OCLN: variants seen among roughly 807,000 people sequenced by gnomAD.
OCLN encodes the protein phosphatase 1, regulatory subunit 115.
OCLN carries 21 observed loss-of-function variants against 47.9 expected under a neutral mutation model. The observed-to-expected ratio is 0.44, with a 90% CI of 0.31 to 0.63. The LOEUF is 0.63. OCLN is among the 30% of genes least tolerant of loss of function. OCLN has a pLI of 0.08. For missense variants in OCLN, 360 were observed against 571.0 expected (o/e 0.63, Z 3.77); for synonymous variants, 117 against 198.4 (o/e 0.59, Z 3.45).
intron 7 of OCLN, among the ~76,000 whole-genome samples, chr5:69,548,511 G>A (rs1230489994): frequency 2.0e-5 from 3 of 149,132 alleles, no homozygotes; most frequent in East Asian, 2.0e-4. Context: ...TAGTAGAGAC[G>A]GGGTTTCACC....
intron 4 of OCLN, among the ~76,000 whole-genome samples, chr5:69,515,985 C>T (rs1340663128): frequency 1.3e-5 from 2 of 149,854 alleles, no homozygotes; most frequent in African/African-American, 2.5e-5. Flanking sequence ...GGATGGCGGC[C>T]GGGCAGAGAC....
chr5:69,509,291 C>T lies in OCLN; in HGVS notation c.201C>T (p.Ile67=), dbSNP rs753767306. ...KWTSPPGVIR[I]LSMLIIVMCI... is the part of the protein sequence containing the mutation. ...CCTCTCCTCCAGGAGTGATTCGGAT[C>T]CTGTCTATGCTCATTATTGTGATGT... The change falls in exon 3 of 9, where the codon ATC becomes ATT. Residue 67 remains isoleucine (I), a synonymous_variant. Coordinates refer to ENST00000396442, the MANE Select transcript of OCLN (RefSeq NM_001205254.2). 2 of 1,614,202 alleles carry T rather than the reference C, an allele frequency of 1.2e-6. No homozygotes were observed. Among genetic ancestry groups the T allele is most frequent in the South Asian group, 1.1e-5 (1 of 91,086 alleles).
intron 4 of OCLN, among the ~76,000 whole-genome samples, chr5:69,531,483 A>G (rs1316484013): frequency 1.3e-5 from 2 of 152,260 alleles, no homozygotes; most frequent in African/African-American, 4.8e-5. Context: ...AAGCAAAGGA[A>G]GGATTTTTAA....
intron 4 of OCLN, among the ~76,000 whole-genome samples, chr5:69,523,086 A>G: frequency 6.6e-6 from 1 of 152,088 alleles, no homozygotes; most frequent in Non-Finnish European, 1.5e-5. Flanking sequence ...GTCACCACTA[A>G]TGGACCAATA....
chr5:69,528,618 G>A (rs1362879846), intron 4 of OCLN, among the ~76,000 whole-genome samples: 2 of 152,160 alleles, frequency 1.3e-5, no homozygotes, highest in Non-Finnish European at 2.9e-5. Context: ...GCCAGAAAGA[G>A]CTGAGCTTTG....
At chr5:69,525,414 C>A (rs1054740610) in intron 4 of OCLN, among the ~76,000 whole-genome samples, 2 of 152,110 alleles carry the variant, frequency 1.3e-5, no homozygotes, top group African/African-American at 4.8e-5. Context: ...TGTGAGTGTA[C>A]ATTTCTATAA....
intron 3 of OCLN, among the ~76,000 whole-genome samples, chr5:69,512,997 T>C (rs1217399588): frequency 6.6e-6 from 1 of 152,204 alleles, no homozygotes; most frequent in Non-Finnish European, 1.5e-5. Context: ...CTGAAGGTTT[T>C]CCCTGCAGAC....
chr5:69,519,919 TC>T (rs1051932595), intron 4 of OCLN, among the ~76,000 whole-genome samples: 2 of 152,236 alleles, frequency 1.3e-5, no homozygotes, highest in African/African-American at 4.8e-5. Context: ...CCCATGCAGT[TC>T]AAACCTGGTT....
intron 2 of OCLN, among the ~76,000 whole-genome samples, chr5:69,504,658 C>A (rs1232742202): frequency 3.3e-5 from 5 of 152,168 alleles, no homozygotes; most frequent in Non-Finnish European, 7.3e-5. Flanking sequence ...AGCTTTAGGC[C>A]GGGTGCGGTG....
intron 4 of OCLN, among the ~76,000 whole-genome samples, chr5:69,516,524 G>C (rs577499513): frequency 2.1e-4 from 32 of 152,120 alleles, no homozygotes; most frequent in African/African-American, 6.5e-4. Flanking sequence ...GAGAGGGAGA[G>C]GGGGGAGAGG....
intron 2 of OCLN, among the ~76,000 whole-genome samples, chr5:69,505,259 A>T (rs1768568492): frequency 6.6e-6 from 1 of 152,200 alleles, no homozygotes; most frequent in African/African-American, 2.4e-5. Context: ...TCAAAAAATA[A>T]ATAAATAAAT....
At chr5:69,529,716 G>C (rs2112046210) in intron 4 of OCLN, among the ~76,000 whole-genome samples, 1 of 152,184 alleles carries the variant, frequency 6.6e-6, no homozygotes, top group East Asian at 1.9e-4. Context: ...TGATTCTTCT[G>C]CCTCAGCCAC....
At chr5:69,531,500 A>T (rs1769430811) in intron 4 of OCLN, among the ~76,000 whole-genome samples, 3 of 152,234 alleles carry the variant, frequency 2.0e-5, no homozygotes, top group Admixed American at 2.0e-4. Context: ...TTAAATTCTG[A>T]TAAGGTATTG....
At position 69,533,076 on chromosome 5, in the gene OCLN, CAT is replaced by C. The variant is rs200973400; in HGVS notation, c.892-1606_892-1605del. 0.02 allele frequency among the ~76,000 whole-genome samples: 2,923 copies of C among 144,072 alleles called. 236 individuals are homozygous for C. In the East Asian group the frequency reaches 0.29, roughly 14 times the overall value. The allele number at this position is 144,072 out of a possible 152,430, so 94.5% of individuals were successfully genotyped here. A position where few individuals can be genotyped will look rare whatever the true frequency, so the allele number is the denominator to read the frequency against. ...ATATATACATATATATATACACACA[CAT>C]ATATATATATACACACACACACACA... On this transcript the variant is annotated intron_variant, in intron 4 of 8. Coordinates refer to ENST00000396442, the MANE Select transcript of OCLN (RefSeq NM_001205254.2).
chr5:69,527,939 T>C (rs535751669), intron 4 of OCLN, among the ~76,000 whole-genome samples: 2 of 152,320 alleles, frequency 1.3e-5, no homozygotes, highest in African/African-American at 4.8e-5. Context: ...ATATTATTAC[T>C]GTTTCTTTGG....
At chr5:69,529,022 G>A (rs1487053743) in intron 4 of OCLN, among the ~76,000 whole-genome samples, 1 of 152,206 alleles carries the variant, frequency 6.6e-6, no homozygotes, top group Admixed American at 6.5e-5. Context: ...TCTAAGTGGG[G>A]ATAAGTGTTT....
intron 1 of OCLN, among the ~76,000 whole-genome samples, chr5:69,497,478 C>T (rs553328161): frequency 6.7e-6 from 1 of 149,552 alleles, no homozygotes; most frequent in African/African-American, 2.4e-5. Context: ...ACCTCTGCCT[C>T]CTGGGTTCAA....
At chr5:69,516,621 G>A (rs1768979945) in intron 4 of OCLN, among the ~76,000 whole-genome samples, 2 of 152,174 alleles carry the variant, frequency 1.3e-5, no homozygotes, top group South Asian at 4.1e-4. Flanking sequence ...CTTCAGTGAG[G>A]CAAAGACAGA....
At chr5:69,501,105 C>T (rs768357377) in intron 1 of OCLN, among the ~76,000 whole-genome samples, 17 of 151,946 alleles carry the variant, frequency 1.1e-4, no homozygotes, top group Middle Eastern at 3.4e-3. Context: ...TTAGTAGAGA[C>T]GGGGTTTTGC....
Sources: allele counts gnomAD v4.1 joint callset (sites outside exome capture counted in the v4.1 genomes callset), GRCh38; gene constraint gnomAD v4.1.1; transcripts MANE v1.5; gene names NCBI Gene and HGNC (gene_info 2026-07-23, HGNC 2026-07-21).